Variants in BMERB1 observed in about 807,000 individuals in gnomAD.
BMERB1 encodes bMERB domain-containing protein 1.
BMERB1 carries 12 observed loss-of-function variants against 23.6 expected under a neutral mutation model. The ratio of observed to expected loss-of-function variants is 0.51; its 90% CI spans 0.33 to 0.82. The LOEUF (loss-of-function observed/expected upper bound fraction) is 0.82. Among genes scored for constraint, BMERB1 ranks in the 40% least tolerant of loss-of-function variants. BMERB1 has a pLI of 0.03. For synonymous variants in BMERB1, 122 were observed against 96.6 expected (o/e 1.26, Z -1.54); for missense variants, 247 against 255.4 (o/e 0.97, Z 0.22).
At chr16:15,436,692 C>A (rs1250432991) in intron 1 of BMERB1, among the ~76,000 whole-genome samples, 1 of 151,822 alleles carries the variant, frequency 6.6e-6, no homozygotes, top group East Asian at 1.9e-4. Flanking sequence ...CCCCCCATCC[C>A]AATACCCTCC....
chr16:15,517,708 T>C (rs1480551695), intron 2 of BMERB1, among the ~76,000 whole-genome samples: 1 of 152,062 alleles, frequency 6.6e-6, no homozygotes, highest in African/African-American at 2.4e-5. Context: ...GTTACCACTG[T>C]GCACTTACTG....
At chr16:15,533,103 A>G (rs12919246) in intron 2 of BMERB1, 166,383 of 436,316 alleles carry the variant, frequency 0.38, 36,745 homozygotes, top group African/African-American at 0.63. Flanking sequence ...GAGATCAAGC[A>G]TATTAAGTGC....
At chr16:15,535,966 C>T (rs908889384) in intron 2 of BMERB1, among the ~76,000 whole-genome samples, 3 of 152,158 alleles carry the variant, frequency 2.0e-5, no homozygotes, top group Non-Finnish European at 2.9e-5. Context: ...CCCTTTATCA[C>T]GAGAACAGCA....
chr16:15,450,871 C>G (rs1646397414), intron 1 of BMERB1, among the ~76,000 whole-genome samples: 1 of 152,084 alleles, frequency 6.6e-6, no homozygotes, highest in African/African-American at 2.4e-5. Context: ...TTTTTGCTGC[C>G]AGAGCTTGTC....
intron 1 of BMERB1, among the ~76,000 whole-genome samples, chr16:15,511,723 G>A (rs959848807): frequency 6.6e-6 from 1 of 151,990 alleles, no homozygotes; most frequent in African/African-American, 2.4e-5. Context: ...AAAACTGGGA[G>A]TTGTCAGGCC....
rs141976108 is a variant in BMERB1 at position 15,454,360 on chromosome 16, T to C, written c.106+19601T>C. 2.0e-5 allele frequency among the ~76,000 whole-genome samples: 3 copies of C among 152,328 alleles called. No individual in the cohort carries two copies. The East Asian group carries it at 5.8e-4, about 29-fold the overall frequency. On this transcript the variant is annotated intron_variant, in intron 1 of 5. Transcript: ENST00000300006. ...TTGGAAGGGAAGGAAACCGAGGCAG[T>C]GTTGCTTCCTTCGAGGAAGACAGAG...
chr16:15,497,104 A>G (rs1395378538), intron 1 of BMERB1, among the ~76,000 whole-genome samples: 2 of 152,210 alleles, frequency 1.3e-5, no homozygotes, highest in African/African-American at 2.4e-5. Context: ...CCAAAACACC[A>G]GGGGATTCGT....
intron 1 of BMERB1, among the ~76,000 whole-genome samples, chr16:15,497,504 A>AG (rs1203427241): frequency 1.3e-5 from 2 of 152,232 alleles, no homozygotes; most frequent in Non-Finnish European, 2.9e-5. Flanking sequence ...TTATCAAGAA[A>AG]GAAAAAAACT....
intron 3 of BMERB1, among the ~76,000 whole-genome samples, chr16:15,570,686 G>A (rs2030703045): frequency 6.6e-6 from 1 of 152,102 alleles, no homozygotes; most frequent in African/African-American, 2.4e-5. Context: ...TAAAAGAATG[G>A]CTACTCTGTA....
At chr16:15,455,430 T>G (rs1334879090) in intron 1 of BMERB1, among the ~76,000 whole-genome samples, 1 of 151,914 alleles carries the variant, frequency 6.6e-6, no homozygotes, top group East Asian at 1.9e-4. Flanking sequence ...ACTATCCTAT[T>G]TTTAGCTCTG....
chr16:15,452,285 A>G (rs2051048615), intron 1 of BMERB1, among the ~76,000 whole-genome samples: 1 of 141,362 alleles, frequency 7.1e-6, no homozygotes, highest in Admixed American at 7.2e-5. Context: ...TGTCTCTTAA[A>G]AAAAAAAAAA....
rs918119025 is a variant in BMERB1, at chr16:15,473,997, A to G, written c.106+39238A>G. On this transcript the variant is annotated intron_variant, in intron 1 of 5. Transcript: ENST00000300006. ...TAGCCGGGCGTGGTGGCAGGTGCCT[A>G]TAGTCCCAGCTCCTCGGGAGGCTGA... Among the ~76,000 whole-genome samples the G allele has an allele frequency of 3.3e-5, 5 of 151,890 alleles. No individual in the cohort carries two copies. The East Asian group carries it at 5.9e-4, about 18-fold the overall frequency.
intron 1 of BMERB1, among the ~76,000 whole-genome samples, chr16:15,452,600 A>G (rs2051052066): frequency 6.6e-6 from 1 of 152,106 alleles, no homozygotes; most frequent in South Asian, 2.1e-4. Context: ...TGTGTGTGCA[A>G]ACTCCTAAAA....
chr16:15,581,223 A>G lies in BMERB1; in HGVS notation c.311A>G (p.Glu104Gly). The change falls in exon 4 of 6, where the codon GAA (glutamate) becomes GGA (glycine). Residue 104 changes from glutamate (E) to glycine (G), a missense_variant. Physicochemically the swap from Glu to Gly is moderately conservative, Grantham distance 98 (BLOSUM62 -2). Coordinates refer to ENST00000300006, the MANE Select transcript of BMERB1 (RefSeq NM_033201.3). Reference protein sequence around the residue: ...LQNLVAIPEKEKTKLQKQRED... With the variant: ...LQNLVAIPEKGKTKLQKQRED... ...GTTGATGTCTTCTTTCCAGAAAAAG[A>G]AAAAACCAAACTGCAGAAGCAGAGA... The G allele has an allele frequency of 6.2e-7, 1 of 1,610,916 alleles. No individual in the cohort carries two copies. Among genetic ancestry groups the G allele is most frequent in the Non-Finnish European group, 8.5e-7 (1 of 1,178,622 alleles).
intron 3 of BMERB1, among the ~76,000 whole-genome samples, chr16:15,579,623 C>A (rs1231316179): frequency 3.3e-5 from 5 of 151,978 alleles, no homozygotes; most frequent in Non-Finnish European, 5.9e-5. Context: ...TAAGTTTTTG[C>A]CTCTTAATTT....
rs569732831 is a variant in BMERB1 at position 15,512,261 on chromosome 16, C to T, written c.107-3044C>T. ...CAACGTCTGCTGAACAACTCAGGGC[C>T]GGGAGAGTCCCACAGGTGGACAAAT... On this transcript the variant is annotated intron_variant, in intron 1 of 5. Coordinates refer to ENST00000300006, the MANE Select transcript of BMERB1 (RefSeq NM_033201.3). Among the ~76,000 whole-genome samples the T allele has an allele frequency of 2.0e-5, 3 of 152,178 alleles. No individual in the cohort carries two copies. The South Asian group carries it at 6.2e-4, about 32-fold the overall frequency.
chr16:15,534,162 C>G (rs1227422565), intron 2 of BMERB1, among the ~76,000 whole-genome samples: 4 of 151,690 alleles, frequency 2.6e-5, no homozygotes, highest in Non-Finnish European at 5.9e-5. Context: ...CTCTTCACAG[C>G]AGACAGCTTA....
At chr16:15,474,528 C>T (rs2051259338) in intron 1 of BMERB1, among the ~76,000 whole-genome samples, 1 of 151,878 alleles carries the variant, frequency 6.6e-6, no homozygotes, top group Admixed American at 6.6e-5. Flanking sequence ...TGCCACCACA[C>T]TCTGCTAAAT....
intron 1 of BMERB1, chr16:15,502,286 T>G: frequency 6.4e-7 from 1 of 1,551,370 alleles, no homozygotes; most frequent in Non-Finnish European, 8.7e-7. Flanking sequence ...AGCCAGGATG[T>G]GAAGCCTGTC....
Sources: gnomAD v4.1 joint callset for allele counts (sites outside exome capture counted in the v4.1 genomes callset) on GRCh38, gnomAD v4.1.1 for gene constraint, MANE v1.5 for transcripts, NCBI Gene and HGNC (gene_info 2026-07-23, HGNC 2026-07-21) for gene names.